The following FGG variants were observed in gnomAD, a reference collection of about 807,000 sequenced individuals.
FGG encodes the protein fibrinogen, gamma polypeptide.
A neutral mutation model predicts 51.7 loss-of-function variants in FGG; 20 were observed. The observed-to-expected ratio is 0.39, with a 90% CI of 0.27 to 0.56. FGG has a LOEUF of 0.56. FGG is among the 20% of genes least tolerant of loss of function. The pLI is 0.64. For missense variants in FGG, 460 were observed against 534.2 expected (o/e 0.86, Z 1.37); for synonymous variants, 184 against 184.7 (o/e 1.00, Z 0.03).
At chr4:154,611,763 C>A (rs1376877518) in intron 4 of FGG, 42 bp downstream of exon 4, 1 of 1,314,492 alleles carries the variant, frequency 7.6e-7, no homozygotes, top group Admixed American at 1.9e-5. Flanking sequence ...TAAATAAAAA[C>A]TAAATCAGTC....
chr4:154,612,290 A>T (rs1013564808), intron 2 of FGG, 89 bp from the exon 3 acceptor site: 1 of 1,585,996 alleles, frequency 6.3e-7, no homozygotes, highest in East Asian at 2.2e-5. Context: ...CTATGTTTTT[A>T]AAAAGTTACA....
chr4:154,605,019 T>C lies in FGG; in HGVS notation c.1177A>G (p.Ile393Val), dbSNP rs1310528958. ...CGGGTTTTCCAAGTGGCCCAAATAATGCCATTATCATAACCATTAGGAGTA... is the reference window on the plus strand; with the variant it reads ...CGGGTTTTCCAAGTGGCCCAAATAACGCCATTATCATAACCATTAGGAGTA... The part of the protein sequence containing the change: ...ASTPNGYDNG[I>V]IWATWKTRWY... The change falls in exon 9 of 9, where the codon ATT becomes GTT. Residue 393 changes from isoleucine (I) to valine (V), a missense_variant. Ile to Val is a conservative substitution (Grantham distance 29). Around this residue, in one of 3 missense-constraint regions of FGG, gnomAD observed 92 missense variants for 93.7 expected, o/e 0.98. Coordinates refer to ENST00000336098, the MANE Select transcript of FGG (RefSeq NM_021870.3). The C allele has an allele frequency of 2.5e-6, 4 of 1,613,970 alleles. No individual in the cohort carries two copies. The highest frequency in any genetic ancestry group is 3.4e-6 in the Non-Finnish European group (4 of 1,180,000).
At chr4:154,605,684 T>A (rs1186566020) in intron 8 of FGG, among the ~76,000 whole-genome samples, 2 of 152,136 alleles carry the variant, frequency 1.3e-5, no homozygotes, top group Non-Finnish European at 2.9e-5. Context: ...TAGAGTTTCT[T>A]CTCATTATGT....
intron 4 of FGG, among the ~76,000 whole-genome samples, chr4:154,610,968 C>A (rs147367563): frequency 6.6e-6 from 1 of 152,076 alleles, no homozygotes; most frequent in Non-Finnish European, 1.5e-5. Flanking sequence ...TATTTGTCCA[C>A]GTTTTCCCTC....
Position 154,611,910 on chromosome 4 carries a change from G to T in FGG, c.308-12C>A. 2 of 1,605,612 alleles carry T rather than the reference G, an allele frequency of 1.2e-6. No homozygotes were observed. The highest frequency in any genetic ancestry group is 1.7e-5 in the Admixed American group (1 of 59,870). ...AGCGTCTATCATATCTGTAATATAG[G>T]ATCAGAGACATAAAAATCCTTAAGC... On this transcript the variant is annotated splice_polypyrimidine_tract_variant and intron_variant, in intron 3 of 8. Transcript: ENST00000336098.
intron 6 of FGG, among the ~76,000 whole-genome samples, chr4:154,609,033 A>T (rs1731153233): frequency 6.6e-6 from 1 of 152,178 alleles, no homozygotes; most frequent in Admixed American, 6.6e-5. Flanking sequence ...TCCACCATTC[A>T]TTCCCTCTGA....
chr4:154,612,320 G>A, intron 2 of FGG, 71 bp downstream of exon 2: 2 of 1,584,338 alleles, frequency 1.3e-6, no homozygotes, highest in South Asian at 1.1e-5. Flanking sequence ...TGATATTTAT[G>A]AGGGAATTAT....
In FGG at chr4:154,606,746, T is replaced by C; in HGVS notation, c.1088A>G (p.Asn363Ser). 6.2e-7 allele frequency: 1 copy of C among 1,613,996 alleles called. No homozygotes were observed. Among genetic ancestry groups the C allele is most frequent in the Non-Finnish European group, 8.5e-7 (1 of 1,179,882 alleles). ...AEQDGSGWWM[N>S]KCHAGHLNGV... Reference sequence around the variant, plus strand: ...ATTGAGATGGCCAGCGTGACACTTGTTCATCCACCAACCAGATCCATCCTG... The same window carrying C: ...ATTGAGATGGCCAGCGTGACACTTGCTCATCCACCAACCAGATCCATCCTG... Residue 363 changes from asparagine (N) to serine (S), a missense_variant, in exon 8 of 9, where the codon AAC becomes AGC. Around this residue, in one of 3 missense-constraint regions of FGG, gnomAD observed 15 missense variants for 48.8 expected, o/e 0.31. Transcript: ENST00000336098.
intron 7 of FGG, among the ~76,000 whole-genome samples, chr4:154,608,090 T>C (rs1252967418): frequency 2.0e-5 from 3 of 152,180 alleles, no homozygotes; most frequent in Non-Finnish European, 2.9e-5. Context: ...CTACCACTTA[T>C]CAGCAATGTG....
Position 154,604,366 on chromosome 4 carries a change from T to TAACAAAACA in FGG, c.*459_*467dup. 2 of 1,497,856 alleles carry TAACAAAACA rather than the reference T, an allele frequency of 1.3e-6. No individual in the cohort carries two copies. The highest frequency in any genetic ancestry group is 1.8e-6 in the Non-Finnish European group (2 of 1,128,322). 92.8% of individuals were successfully genotyped at this position (1,497,856 alleles called of 1,614,324 possible). Reference sequence around the variant, plus strand: ...TAAACGTCTCCAGCCTGTGAATATATAACAAAACAAAAACCATATTAAAAA... The same window carrying TAACAAAACA: ...TAAACGTCTCCAGCCTGTGAATATATAACAAAACAAACAAAACAAAAACCATATTAAAAA... On this transcript the variant is annotated 3_prime_UTR_variant, in exon 9 of 9. Coordinates refer to ENST00000336098, the MANE Select transcript of FGG (RefSeq NM_021870.3).
rs1206671963 is a variant in FGG at position 154,604,190 on chromosome 4, C to T, written c.*644G>A. On this transcript the variant is annotated 3_prime_UTR_variant, in exon 9 of 9. Transcript: ENST00000336098. Reference sequence around the variant, plus strand: ...ATGCATGTAGATAAATTATCATCAGCATAAAACTGTTATGGAGTTTTCAAC... The same window carrying T: ...ATGCATGTAGATAAATTATCATCAGTATAAAACTGTTATGGAGTTTTCAAC... 1.9e-6 allele frequency: 1 copy of T among 527,086 alleles called. No homozygotes were observed. The highest frequency in any genetic ancestry group is 3.3e-6 in the Non-Finnish European group (1 of 304,648). The allele number at this position is 527,086 out of a possible 1,614,324, so 32.7% of individuals were successfully genotyped here.
At chr4:154,607,035 G>C in intron 7 of FGG, 53 bp from the exon 8 acceptor site, 1 of 1,502,758 alleles carries the variant, frequency 6.7e-7, no homozygotes, top group South Asian at 1.4e-5. Flanking sequence ...AGGGATCTCA[G>C]AAGTTCCCTC....
intron 7 of FGG, 128 bp from the exon 8 acceptor site, chr4:154,607,110 T>A: frequency 8.6e-7 from 1 of 1,163,864 alleles, no homozygotes; most frequent in Non-Finnish European, 1.2e-6. Context: ...GCTCATTGAG[T>A]GAAGTTTTTT....
At chr4:154,609,504 C>T (rs1731161271) in intron 6 of FGG, 126 bp downstream of exon 6, 6 of 1,160,492 alleles carry the variant, frequency 5.2e-6, no homozygotes, top group Non-Finnish European at 7.6e-6. Flanking sequence ...AACAGAAGTA[C>T]CTTCCTCTTA....
rs1731238412 is a variant in FGG at position 154,612,520 on chromosome 4, G to T, written c.78+12C>A. 1 of 1,613,756 alleles carries T rather than the reference G, an allele frequency of 6.2e-7. No individual in the cohort carries two copies. The highest frequency in any genetic ancestry group is 1.1e-5 in the South Asian group (1 of 91,050). Reference sequence around the variant, plus strand: ...TCCATTTTAAACAACGTTTTGTGAAGAGCACACTTACTGCTACACATGTTG... The same window carrying T: ...TCCATTTTAAACAACGTTTTGTGAATAGCACACTTACTGCTACACATGTTG... On this transcript the variant is annotated intron_variant, in intron 1 of 8. Coordinates refer to ENST00000336098, the MANE Select transcript of FGG (RefSeq NM_021870.3).
At position 154,607,475 on chromosome 4, in the gene FGG, A is replaced by G. The variant is rs553146557; in HGVS notation, c.852-493T>C. On this transcript the variant is annotated intron_variant, in intron 7 of 8. Coordinates refer to ENST00000336098, the MANE Select transcript of FGG (RefSeq NM_021870.3). The stretch of plus-strand genomic sequence containing the variant: ...CTAAAGGGATTTTCTTCCTCAAATC[A>G]GTGTGGTAGTGGCAAGAAGGAGAGC... Among the ~76,000 whole-genome samples the G allele has an allele frequency of 4.6e-5, 7 of 152,314 alleles. No homozygotes were observed. The East Asian group carries it at 1.4e-3, about 29-fold the overall frequency.
chr4:154,611,985 T>C (rs1243384626), intron 3 of FGG, 33 bp downstream of exon 3: 1 of 1,608,428 alleles, frequency 6.2e-7, no homozygotes, highest in Non-Finnish European at 8.5e-7. Flanking sequence ...ATTATTATTA[T>C]TATTTTTTGG....
Position 154,608,558 on chromosome 4 carries a change from C to A in FGG, c.759G>T (p.Trp253Cys). ...HLSPTGTTEF[W>C]LGNEKIHLIS... ...TCAAATGAATCTTCTCATTTCCCAGCCAAAATTCTGTTGTGCCAGTAGGAG... is the reference window on the plus strand; with the variant it reads ...TCAAATGAATCTTCTCATTTCCCAGACAAAATTCTGTTGTGCCAGTAGGAG... Residue 253 changes from tryptophan to cysteine, a missense_variant, in exon 7 of 9, where the codon TGG becomes TGT. Coordinates refer to ENST00000336098, the MANE Select transcript of FGG (RefSeq NM_021870.3). 6.2e-7 allele frequency: 1 copy of A among 1,613,854 alleles called. No homozygotes were observed.
At chr4:154,611,919 C>T in intron 3 of FGG, 21 bp from the exon 4 acceptor site, 5 of 1,603,808 alleles carry the variant, frequency 3.1e-6, no homozygotes, top group Non-Finnish European at 4.3e-6. Context: ...GGATCAGAGA[C>T]ATAAAAATCC....
Sources: allele counts gnomAD v4.1 joint callset (sites outside exome capture counted in the v4.1 genomes callset), GRCh38; gene constraint gnomAD v4.1.1; regional missense constraint gnomAD v4.1.1; transcripts MANE v1.5; gene names NCBI Gene and HGNC (gene_info 2026-07-23, HGNC 2026-07-21).